Variants in CNGB1 observed in about 807,000 individuals in gnomAD.
CNGB1 encodes cyclic nucleotide-gated channel beta-1.
In CNGB1, 126 loss-of-function variants were observed where a neutral mutation model predicts 151.7. The ratio of observed to expected loss-of-function variants is 0.83; its 90% CI spans 0.72 to 0.96. The LOEUF is 0.96. Ranked by LOEUF, CNGB1 falls within the 40% of genes least tolerant of loss-of-function variation. CNGB1 has a pLI of 0.00. For missense variants in CNGB1, 1,698 were observed against 1,627.0 expected, an observed-to-expected ratio of 1.04 and a Z score of -0.75; for synonymous variants, 623 against 635.1, an observed-to-expected ratio of 0.98 and a Z score of 0.29.
intron 12 of CNGB1, among the ~76,000 whole-genome samples, 159 bp downstream of exon 12, chr16:57,957,182 T>C (rs374593469): frequency 2.0e-5 from 3 of 151,058 alleles, no homozygotes; most frequent in African/African-American, 7.3e-5. Flanking sequence ...CTGCAGAGCA[T>C]GGGGCTCTCT....
At chr16:57,950,354 C>A (rs754696721) in intron 13 of CNGB1, 27 bp downstream of exon 13, 1 of 1,613,930 alleles carries the variant, frequency 6.2e-7, no homozygotes, top group Non-Finnish European at 8.5e-7. Flanking sequence ...AATAACTAAT[C>A]TTTTAGGGTC....
chr16:57,927,551 C>T (rs1166392751), intron 17 of CNGB1, among the ~76,000 whole-genome samples: 1 of 152,226 alleles, frequency 6.6e-6, no homozygotes, highest in African/African-American at 2.4e-5. Flanking sequence ...GGGCAGGCCC[C>T]TGCCAGGCTT....
chr16:57,932,847 C>G (rs944486478), intron 16 of CNGB1, among the ~76,000 whole-genome samples: 10 of 152,256 alleles, frequency 6.6e-5, no homozygotes, highest in African/African-American at 2.4e-4. Flanking sequence ...CCCAAAGTTG[C>G]TGGGATTACA....
chr16:57,911,131 G>A (rs3826085), intron 25 of CNGB1, among the ~76,000 whole-genome samples: 1,662 of 152,204 alleles, frequency 0.011, 39 homozygotes, highest in East Asian at 0.071. Context: ...GCCCGGGGAA[G>A]CAGGAGTAGA....
At position 57,883,252 on chromosome 16, in the gene CNGB1, CCCT is replaced by C. The variant is rs1302268230; in HGVS notation, c.*909_*911del. 1 of 123,000 alleles carries C rather than the reference CCCT, an allele frequency of 8.1e-6. No homozygotes were observed. The highest frequency in any genetic ancestry group is 1.9e-5 in the Non-Finnish European group (1 of 53,188). The allele number at this position is 123,000 out of a possible 1,614,324, so 7.6% of individuals were successfully genotyped here. ...ATTCTCAGCTGAACAGCTCGGGCTG[CCCT>C]CCTTTCTTTGTTTTTTTGTTTGTGT... On this transcript the variant is annotated 3_prime_UTR_variant, in exon 33 of 33. Transcript: ENST00000251102.
intron 10 of CNGB1, 99 bp downstream of exon 10, chr16:57,959,789 T>C (rs1962190263): frequency 1.4e-6 from 2 of 1,383,396 alleles, no homozygotes; most frequent in African/African-American, 2.9e-5. Flanking sequence ...ACACATCCAG[T>C]TGAATTTTCT....
intron 29 of CNGB1, among the ~76,000 whole-genome samples, chr16:57,899,639 C>T (rs1164859626): frequency 6.7e-6 from 1 of 149,444 alleles, no homozygotes; most frequent in Admixed American, 6.8e-5. Context: ...GACTTGGTCT[C>T]AAATAAACAA....
chr16:57,940,910 A>G (rs1405185537), intron 14 of CNGB1, among the ~76,000 whole-genome samples: 2 of 152,144 alleles, frequency 1.3e-5, no homozygotes, highest in African/African-American at 4.8e-5. Context: ...AGCAGCAGGC[A>G]TACATAAGTG....
Position 57,920,548 on chromosome 16 carries a change from T to G in CNGB1, c.1644-4A>C. On this transcript the variant is annotated splice_region_variant and splice_polypyrimidine_tract_variant and intron_variant, in intron 18 of 32. Coordinates refer to ENST00000251102, the MANE Select transcript of CNGB1 (RefSeq NM_001297.5). ...GGAGGCCGCACGGTCCTGGCCACTG[T>G]GGGAACATCACCCAAAGCTGAGCAG... The G allele has an allele frequency of 1.9e-6, 3 of 1,611,924 alleles. No homozygotes were observed. Among genetic ancestry groups the G allele is most frequent in the Non-Finnish European group, 2.5e-6 (3 of 1,180,006 alleles).
At position 57,931,747 on chromosome 16, in the gene CNGB1, T is replaced by C. The variant is rs1961354642; in HGVS notation, c.1504A>G (p.Ile502Val). Residue 502 changes from isoleucine (I) to valine (V), a missense_variant, in exon 17 of 33, where the codon ATA becomes GTA. Physicochemically the swap from Ile to Val is conservative, Grantham distance 29 (BLOSUM62 3). Coordinates refer to ENST00000251102, the MANE Select transcript of CNGB1 (RefSeq NM_001297.5). ...GTCCCCGAGGCTGAGCTTGGGACTATAAGGGTGTCTGATTTGGCAGGAGAC... is the reference window on the plus strand; with the variant it reads ...GTCCCCGAGGCTGAGCTTGGGACTACAAGGGTGTCTGATTTGGCAGGAGAC... The part of the protein sequence containing the change: ...PPSPAKSDTL[I>V]VPSSASGTHR... 6.2e-7 allele frequency: 1 copy of C among 1,614,110 alleles called. No homozygotes were observed. The highest frequency in any genetic ancestry group is 8.5e-7 in the Non-Finnish European group (1 of 1,180,022).
chr16:57,939,260 C>T (rs1317424356), intron 16 of CNGB1, among the ~76,000 whole-genome samples, 170 bp downstream of exon 16: 2 of 152,056 alleles, frequency 1.3e-5, no homozygotes, highest in Non-Finnish European at 2.9e-5. Context: ...ATAATGTGGC[C>T]CCAAGACACC....
intron 32 of CNGB1, among the ~76,000 whole-genome samples, chr16:57,884,957 G>A (rs913843910): frequency 3.9e-5 from 6 of 152,192 alleles, no homozygotes; most frequent in African/African-American, 1.4e-4. Flanking sequence ...AAGTCTCAAA[G>A]GTTGAGATCC....
intron 14 of CNGB1, among the ~76,000 whole-genome samples, chr16:57,948,839 C>T (rs542116316): frequency 2.0e-5 from 3 of 152,302 alleles, no homozygotes; most frequent in South Asian, 4.1e-4. Flanking sequence ...GTGTGTTTAA[C>T]ATTGAAATAT....
At chr16:57,920,307 C>G in intron 19 of CNGB1, 80 bp downstream of exon 19, 2 of 1,541,088 alleles carry the variant, frequency 1.3e-6, no homozygotes, top group Non-Finnish European at 1.8e-6. Context: ...TTGGGGCCAC[C>G]CTTGCCATGA....
chr16:57,940,280 C>G lies in CNGB1; in HGVS notation c.1163G>C (p.Gly388Ala). The change falls in exon 15 of 33, where the codon GGC becomes GCC. Residue 388 changes from glycine (G) to alanine (A), a missense_variant. Physicochemically the swap from Gly to Ala is moderately conservative, Grantham distance 60. Transcript: ENST00000251102. ...DSCVVSQVGVGQSEEDGTRPQ... is the reference protein window; with the variant it reads ...DSCVVSQVGVAQSEEDGTRPQ... The stretch of plus-strand genomic sequence containing the variant: ...CCGGGTCCCGTCTTCTTCACTCTGG[C>G]CCACGCCCACCTGCGACACCACACA... 1.9e-6 allele frequency: 3 copies of G among 1,582,414 alleles called. No individual in the cohort carries two copies. The highest frequency in any genetic ancestry group is 2.3e-5 in the South Asian group (2 of 86,510).
chr16:57,959,814 A>C, intron 10 of CNGB1, 74 bp downstream of exon 10: 1 of 1,406,748 alleles, frequency 7.1e-7, no homozygotes, highest in Non-Finnish European at 9.3e-7. Context: ...GGTTTCCAGG[A>C]GGTTGGGTGT....
rs771200943 is a variant in CNGB1 at position 57,888,003 on chromosome 16, G to A, written c.3314C>T (p.Thr1105Ile). 4 of 1,614,146 alleles carry A rather than the reference G, an allele frequency of 2.5e-6. No homozygotes were observed. In the South Asian group the frequency reaches 4.4e-5, roughly 18 times the overall value. ...SVLILPPRAG[T>I]PKLFNAALAM... ...GAGGGCAGCGTTGAAGAGCTTTGGG[G>A]TGCCCGCCCGGGGTGGAAGGATCAG... The change falls in exon 32 of 33, where the codon ACC (threonine) becomes ATC (isoleucine). Residue 1105 changes from threonine (T) to isoleucine (I), a missense_variant. Transcript: ENST00000251102.
At chr16:57,887,778 C>T in intron 32 of CNGB1, 77 bp downstream of exon 32, 1 of 1,368,534 alleles carries the variant, frequency 7.3e-7, no homozygotes, top group South Asian at 1.2e-5. Context: ...ATGTGTGGCC[C>T]ACTCTTGGAG....
Position 57,939,581 on chromosome 16 carries a change from C to T in CNGB1, c.1221G>A (p.Glu407=). 1 of 1,614,210 alleles carries T rather than the reference C, an allele frequency of 6.2e-7. No individual in the cohort carries two copies. Among genetic ancestry groups the T allele is most frequent in the Non-Finnish European group, 8.5e-7 (1 of 1,180,046 alleles). ...CCTTCTTGGCCTCCTCCCCAACTTCCTCCCACAGCTTCTGCAGAGAATAAA... is the reference window on the plus strand; with the variant it reads ...CCTTCTTGGCCTCCTCCCCAACTTCTTCCCACAGCTTCTGCAGAGAATAAA... ...PQSTSDQKLW[E]EVGEEAKKEA... Residue 407 remains glutamate (E), a synonymous_variant, in exon 16 of 33, where the codon GAG becomes GAA. Coordinates refer to ENST00000251102, the MANE Select transcript of CNGB1 (RefSeq NM_001297.5).
Sources: gnomAD v4.1 joint callset for allele counts (sites outside exome capture counted in the v4.1 genomes callset) on GRCh38, gnomAD v4.1.1 for gene constraint, MANE v1.5 for transcripts, NCBI Gene and HGNC (gene_info 2026-07-23, HGNC 2026-07-21) for gene names.